The following PKNOX2 variants were observed in gnomAD, a reference collection of about 807,000 sequenced individuals.
PKNOX2 encodes the protein homeobox protein PKNOX2.
Under a neutral mutation model 53.1 loss-of-function variants are expected in PKNOX2, and 14 were observed. The observed-to-expected ratio is 0.26, with a 90% CI of 0.17 to 0.41. PKNOX2 has a LOEUF of 0.41. Among genes scored for constraint, PKNOX2 ranks in the 10% least tolerant of loss-of-function variants. PKNOX2 has a pLI of 1.00. For missense variants in PKNOX2, 496 were observed against 602.8 expected, an observed-to-expected ratio of 0.82 and a Z score of 1.85; for synonymous variants, 257 against 242.8, an observed-to-expected ratio of 1.06 and a Z score of -0.54.
rs1423472248 is a variant in PKNOX2, at chr11:125,165,834, G to T, written c.-201+1058G>T. On this transcript the variant is annotated intron_variant, in intron 1 of 12. Coordinates refer to ENST00000298282, the MANE Select transcript of PKNOX2 (RefSeq NM_001382323.2). The surrounding 1 kb of genome is among the most constrained non-coding windows in gnomAD (Gnocchi z 4.5). The stretch of plus-strand genomic sequence containing the variant: ...AAGCGATCGAGAGCGGAGAGCTGAG[G>T]GGGATGGCGCAGGATCCCGAATCTG... Among the ~76,000 whole-genome samples the T allele has an allele frequency of 6.6e-6, 1 of 152,220 alleles. No homozygotes were observed. Among genetic ancestry groups the T allele is most frequent in the East Asian group, 1.9e-4 (1 of 5,182 alleles).
At chr11:125,187,867 T>C (rs1157040852) in intron 1 of PKNOX2, among the ~76,000 whole-genome samples, 2 of 152,226 alleles carry the variant, frequency 1.3e-5, no homozygotes, top group Non-Finnish European at 2.9e-5. Context: ...ACCCATCTGA[T>C]TTATTACCCA....
At chr11:125,410,678 A>G (rs1195214874) in intron 8 of PKNOX2, 101 bp from the exon 9 acceptor site, 2 of 873,708 alleles carry the variant, frequency 2.3e-6, no homozygotes, top group Admixed American at 4.1e-5. Flanking sequence ...CTCCAAGTAG[A>G]GGGTCTTTAC....
intron 1 of PKNOX2, among the ~76,000 whole-genome samples, chr11:125,191,612 A>T (rs545652515): frequency 7.6e-4 from 116 of 152,234 alleles, no homozygotes; most frequent in African/African-American, 2.6e-3. Flanking sequence ...GCATCTCATC[A>T]CTAGATTCCA....
intron 10 of PKNOX2, among the ~76,000 whole-genome samples, chr11:125,426,923 G>A (rs182397412): frequency 6.6e-6 from 1 of 152,226 alleles, no homozygotes; most frequent in Non-Finnish European, 1.5e-5. Context: ...TCTGTGGCAG[G>A]CCCTCACAGA....
intron 2 of PKNOX2, among the ~76,000 whole-genome samples, chr11:125,307,312 C>T (rs771537237): frequency 6.6e-6 from 1 of 152,172 alleles, no homozygotes; most frequent in Non-Finnish European, 1.5e-5. Flanking sequence ...GGTGCGGTGG[C>T]TCACACCCAT....
At chr11:125,202,407 C>T (rs1938555204) in intron 1 of PKNOX2, among the ~76,000 whole-genome samples, 1 of 152,182 alleles carries the variant, frequency 6.6e-6, no homozygotes, top group Non-Finnish European at 1.5e-5. Context: ...GCTTCTAGAG[C>T]CCATCCTTCC....
intron 2 of PKNOX2, among the ~76,000 whole-genome samples, chr11:125,308,903 T>C (rs1948626197): frequency 1.3e-5 from 2 of 152,198 alleles, no homozygotes; most frequent in African/African-American, 4.8e-5. Context: ...GGTAGTTCTT[T>C]AAATATTGAA....
In PKNOX2 at chr11:125,166,270, G is replaced by T. The variant is rs1954868909; in HGVS notation, c.-201+1494G>T. Among the ~76,000 whole-genome samples the T allele has an allele frequency of 6.6e-6, 1 of 152,162 alleles. No individual in the cohort carries two copies. The highest frequency in any genetic ancestry group is 2.4e-5 in the African/African-American group (1 of 41,428). ...TGGAATTTGGGGAGGGTAGCACGAG[G>T]GGTCCTGCAGCTCCGCGTGTGAAAA... On this transcript the variant is annotated intron_variant, in intron 1 of 12. Coordinates refer to ENST00000298282, the MANE Select transcript of PKNOX2 (RefSeq NM_001382323.2). The surrounding 1 kb of genome is among the most constrained non-coding windows in gnomAD (Gnocchi z 4.0).
In PKNOX2 at chr11:125,175,704, G is replaced by A. The variant is rs151152165; in HGVS notation, c.-201+10928G>A. On this transcript the variant is annotated intron_variant, in intron 1 of 12. Coordinates refer to ENST00000298282, the MANE Select transcript of PKNOX2 (RefSeq NM_001382323.2). Reference sequence around the variant, plus strand: ...CCAGTGTAGAACAAGCAACAGGTATGGGTGTGGGCCTTGGTAGAGCCCTGT... The same window carrying A: ...CCAGTGTAGAACAAGCAACAGGTATAGGTGTGGGCCTTGGTAGAGCCCTGT... 7.7e-4 allele frequency among the ~76,000 whole-genome samples: 117 copies of A among 152,312 alleles called. 1 individual carries two copies. The East Asian group carries it at 9.3e-3, about 12-fold the overall frequency.
chr11:125,342,000 A>G (rs905669622), intron 3 of PKNOX2, among the ~76,000 whole-genome samples: 1 of 152,144 alleles, frequency 6.6e-6, no homozygotes, highest in South Asian at 2.1e-4. Flanking sequence ...TCCCATTGCC[A>G]TGGGCTCTAT....
intron 4 of PKNOX2, among the ~76,000 whole-genome samples, chr11:125,359,491 C>G (rs1951807302): frequency 6.6e-6 from 1 of 152,218 alleles, no homozygotes; most frequent in Non-Finnish European, 1.5e-5. Context: ...TATCCCCATA[C>G]TCCAACTCGC....
chr11:125,286,888 G>GC lies in PKNOX2; in HGVS notation c.-129-44930dup, dbSNP rs376075410. The stretch of plus-strand genomic sequence containing the variant: ...GGGAAGAACAGCGTATGTTGTGAGT[G>GC]CGCAGGCAGCGTATGGCCTTAGGTT... On this transcript the variant is annotated intron_variant, in intron 2 of 12. Transcript: ENST00000298282. 1.8e-4 allele frequency among the ~76,000 whole-genome samples: 27 copies of GC among 152,336 alleles called. 2 individuals are homozygous for GC. The highest frequency in any genetic ancestry group is 6.5e-4 in the African/African-American group (27 of 41,582).
At chr11:125,222,247 C>G (rs1941220942) in intron 1 of PKNOX2, among the ~76,000 whole-genome samples, 2 of 152,180 alleles carry the variant, frequency 1.3e-5, no homozygotes. Flanking sequence ...ACCCCCCTTG[C>G]TCTCTTCCAG....
chr11:125,182,315 T>A (rs145594710), intron 1 of PKNOX2, among the ~76,000 whole-genome samples: 1 of 152,248 alleles, frequency 6.6e-6, no homozygotes, highest in Non-Finnish European at 1.5e-5. Flanking sequence ...ATGCACCCAC[T>A]AAAGGCTGTC....
chr11:125,431,413 T>G lies in PKNOX2; in HGVS notation c.*21T>G, dbSNP rs780013795. The stretch of plus-strand genomic sequence containing the variant: ...AGTAGTCGGGCAGCCCAGATGGCAC[T>G]GATCACTGAGCAGGAGAGGAGTGTC... On this transcript the variant is annotated 3_prime_UTR_variant, in exon 13 of 13. Coordinates refer to ENST00000298282, the MANE Select transcript of PKNOX2 (RefSeq NM_001382323.2). The G allele has an allele frequency of 7.5e-7, 1 of 1,337,598 alleles. No individual in the cohort carries two copies. Among genetic ancestry groups the G allele is most frequent in the Non-Finnish European group, 9.8e-7 (1 of 1,017,008 alleles). 82.9% of individuals were successfully genotyped at this position (1,337,598 alleles called of 1,614,324 possible). A position where few individuals can be genotyped will look rare whatever the true frequency, so the allele number is the denominator to read the frequency against.
chr11:125,180,177 C>T (rs1956074352), intron 1 of PKNOX2, among the ~76,000 whole-genome samples: 1 of 152,164 alleles, frequency 6.6e-6, no homozygotes, highest in Non-Finnish European at 1.5e-5. Flanking sequence ...TCAGATTTCC[C>T]CTCCAATATC....
intron 1 of PKNOX2, among the ~76,000 whole-genome samples, chr11:125,220,601 G>A (rs924387889): frequency 4.6e-5 from 7 of 152,180 alleles, no homozygotes; most frequent in African/African-American, 1.7e-4. Context: ...ACAATGGCAG[G>A]TCACTGGGGC....
chr11:125,209,683 G>A (rs980037919), intron 1 of PKNOX2, among the ~76,000 whole-genome samples: 1 of 152,028 alleles, frequency 6.6e-6, no homozygotes, highest in African/African-American at 2.4e-5. Context: ...GGCTGGAGGG[G>A]GAGGAGGATG....
At position 125,431,227 on chromosome 11, in the gene PKNOX2, G is replaced by A; in HGVS notation, c.1254G>A (p.Gln418=). 6.2e-7 allele frequency: 1 copy of A among 1,613,824 alleles called. No homozygotes were observed. Among genetic ancestry groups the A allele is most frequent in the Non-Finnish European group, 8.5e-7 (1 of 1,179,882 alleles). The change falls in exon 13 of 13, where the codon CAG becomes CAA. Residue 418 remains glutamine (Q), a synonymous_variant. Coordinates refer to ENST00000298282, the MANE Select transcript of PKNOX2 (RefSeq NM_001382323.2). ...CAGACAGTGCCACCATGGCCATGCAGCAGGCTATGATGGCTGCACACGATG... is the reference window on the plus strand; with the variant it reads ...CAGACAGTGCCACCATGGCCATGCAACAGGCTATGATGGCTGCACACGATG... The part of the protein sequence containing the change: ...LSSDSATMAM[Q]QAMMAAHDDS...
Sources: allele counts gnomAD v4.1 joint callset (sites outside exome capture counted in the v4.1 genomes callset), GRCh38; gene constraint gnomAD v4.1.1; non-coding constraint Gnocchi (gnomAD v3.1); transcripts MANE v1.5; gene names NCBI Gene and HGNC (gene_info 2026-07-23, HGNC 2026-07-21).